The following FGD4 variants were observed in gnomAD, a reference collection of about 807,000 sequenced individuals.
The protein encoded by FGD4 is FYVE, RhoGEF and PH domain-containing protein 4.
In FGD4, 42 loss-of-function variants were observed where a neutral mutation model predicts 102.0. The ratio of observed to expected loss-of-function variants is 0.41; its 90% CI spans 0.32 to 0.53. The LOEUF is 0.53. Ranked by LOEUF, FGD4 falls within the 20% of genes least tolerant of loss-of-function variation. The pLI, the probability that FGD4 is intolerant of heterozygous loss-of-function variation, is 0.21. For synonymous variants in FGD4, 380 were observed against 375.7 expected, an observed-to-expected ratio of 1.01 and a Z score of -0.13; for missense variants, 902 against 1,078.2, an observed-to-expected ratio of 0.84 and a Z score of 2.29.
chr12:32,525,373 GT>G (rs752230456), intron 1 of FGD4, among the ~76,000 whole-genome samples: 3 of 152,216 alleles, frequency 2.0e-5, no homozygotes, highest in Non-Finnish European at 4.4e-5. Context: ...ATTTTGGAAT[GT>G]TTTAAAAGTA....
chr12:32,466,824 C>T (rs541533638), intron 1 of FGD4, among the ~76,000 whole-genome samples: 3 of 139,292 alleles, frequency 2.2e-5, no homozygotes, highest in African/African-American at 8.2e-5. Context: ...GCCAAGATGG[C>T]GTCACTGCAC....
Position 32,427,009 on chromosome 12 carries a change from C to A in FGD4, c.166+27050C>A, listed in dbSNP as rs140306520. Among the ~76,000 whole-genome samples, 691 of 151,830 alleles carry A rather than the reference C, an allele frequency of 4.6e-3. 11 individuals are homozygous for A. Among genetic ancestry groups the A allele is most frequent in the African/African-American group, 0.016 (646 of 41,414 alleles). Reference sequence around the variant, plus strand: ...TATTTTGTTAATCTTTTAAAAAAAACCAGCTCCTGGATTTATTGATTTTTT... The same window carrying A: ...TATTTTGTTAATCTTTTAAAAAAAAACAGCTCCTGGATTTATTGATTTTTT... On this transcript the variant is annotated intron_variant, in intron 1 of 16. Coordinates refer to ENST00000534526, the MANE Select transcript of FGD4 (RefSeq NM_001370298.3).
At chr12:32,524,535 A>AC (rs1940929399) in intron 1 of FGD4, among the ~76,000 whole-genome samples, 1 of 87,036 alleles carries the variant, frequency 1.1e-5, no homozygotes, top group Non-Finnish European at 3.3e-5. Context: ...AAAAAAAAAA[A>AC]ACAGAAAAAA....
chr12:32,643,805 T>C lies in FGD4; in HGVS notation c.*3272T>C, dbSNP rs1017553989. On this transcript the variant is annotated 3_prime_UTR_variant, in exon 17 of 17. Transcript: ENST00000534526. ...GTCAAAAATACTTTTGAGTTCACAA[T>C]TCTGTTTTACTTTTCCTTGTCCTTA... The C allele has an allele frequency of 1.3e-5, 2 of 152,090 alleles. No individual in the cohort carries two copies. Among genetic ancestry groups the C allele is most frequent in the African/African-American group, 4.8e-5 (2 of 41,452 alleles). The allele number at this position is 152,090 out of a possible 1,614,324, so 9.4% of individuals were successfully genotyped here. A position where few individuals can be genotyped will look rare whatever the true frequency, so the allele number is the denominator to read the frequency against.
rs548689416 is a variant in FGD4, at chr12:32,601,471, AT to A, written c.1247+53del. 2.0e-5 allele frequency: 31 copies of A among 1,564,806 alleles called. No homozygotes were observed. The African/African-American group carries it at 3.3e-4, about 17-fold the overall frequency. On this transcript the variant is annotated intron_variant, in intron 6 of 16. Coordinates refer to ENST00000534526, the MANE Select transcript of FGD4 (RefSeq NM_001370298.3). ...GATATGTTTAAGGCAGTCATGCTGT[AT>A]TTTTCAGCTTTTAAATTGAAATAGA...
rs78192196 is a variant in FGD4 at position 32,493,799 on chromosome 12, G to T, written c.167-70338G>T. Among the ~76,000 whole-genome samples the T allele has an allele frequency of 8.5e-3, 1,296 of 152,258 alleles. 16 individuals carry two copies. Among genetic ancestry groups the T allele is most frequent in the African/African-American group, 0.03 (1,233 of 41,536 alleles). ...AAAAGAAACGTTCAATATAATGTTG[G>T]GCAGTGATACCTTAAACAACAAACA... On this transcript the variant is annotated intron_variant, in intron 1 of 16. Transcript: ENST00000534526.
intron 1 of FGD4, among the ~76,000 whole-genome samples, chr12:32,561,831 A>T (rs1223194582): frequency 6.6e-6 from 1 of 152,134 alleles, no homozygotes; most frequent in African/African-American, 2.4e-5. Context: ...ATGTCTCATG[A>T]TGTATTTGTG....
intron 2 of FGD4, among the ~76,000 whole-genome samples, chr12:32,566,024 A>G (rs1213750418): frequency 1.3e-5 from 2 of 152,192 alleles, no homozygotes; most frequent in Non-Finnish European, 2.9e-5. Flanking sequence ...ACAAAATACC[A>G]TAAATTGGGT....
At chr12:32,403,162 GA>G (rs1940763206) in intron 1 of FGD4, among the ~76,000 whole-genome samples, 1 of 152,112 alleles carries the variant, frequency 6.6e-6, no homozygotes, top group South Asian at 2.1e-4. Context: ...GAACTTGGCA[GA>G]AAATTCCATT....
intron 1 of FGD4, among the ~76,000 whole-genome samples, chr12:32,492,568 T>C (rs1224286835): frequency 6.6e-6 from 1 of 152,208 alleles, no homozygotes; most frequent in Non-Finnish European, 1.5e-5. Context: ...TACAAATATG[T>C]TCAACAGTGT....
At chr12:32,405,295 T>A (rs1940886059) in intron 1 of FGD4, among the ~76,000 whole-genome samples, 1 of 132,008 alleles carries the variant, frequency 7.6e-6, no homozygotes, top group African/African-American at 3.0e-5. Context: ...GGAGTTTCAC[T>A]CTTGTCCAGG....
intron 7 of FGD4, among the ~76,000 whole-genome samples, chr12:32,604,890 TA>T (rs1948667925): frequency 6.7e-6 from 1 of 150,110 alleles, no homozygotes; most frequent in Non-Finnish European, 1.5e-5. Context: ...AATCAATTTC[TA>T]AAATGCAAAT....
Position 32,582,327 on chromosome 12 carries a change from A to G in FGD4, c.871A>G (p.Ser291Gly), listed in dbSNP as rs1242400732. The change falls in exon 4 of 17, where the codon AGT becomes GGT. Residue 291 changes from serine (S) to glycine (G), a missense_variant. Physicochemically the swap from Ser to Gly is moderately conservative, Grantham distance 56 (BLOSUM62 0). Transcript: ENST00000534526. ...CAGCTGTGATGGAAATGCTTCTGAC[A>G]GTAGCTACAGGACTCCAGGCATAGG... ...TDSCDGNASDSSYRTPGIGPV... is the reference protein window; with the variant it reads ...TDSCDGNASDGSYRTPGIGPV... 2.5e-6 allele frequency: 4 copies of G among 1,614,112 alleles called. No individual in the cohort carries two copies. Among genetic ancestry groups the G allele is most frequent in the Non-Finnish European group, 3.4e-6 (4 of 1,180,042 alleles).
intron 1 of FGD4, among the ~76,000 whole-genome samples, chr12:32,473,057 C>T (rs956325079): frequency 4.0e-5 from 6 of 151,704 alleles, no homozygotes; most frequent in African/African-American, 7.2e-5. Flanking sequence ...CTTGGAGAAC[C>T]TGTGTGTCCA....
chr12:32,448,239 T>G (rs1020081917), intron 1 of FGD4, among the ~76,000 whole-genome samples: 11 of 152,066 alleles, frequency 7.2e-5, no homozygotes, highest in Non-Finnish European at 1.3e-4. Context: ...CAGATCACAG[T>G]GCAATATGGT....
intron 1 of FGD4, among the ~76,000 whole-genome samples, chr12:32,421,215 C>G (rs956570776): frequency 6.6e-5 from 10 of 152,178 alleles, no homozygotes; most frequent in Admixed American, 5.2e-4. Context: ...CTCTTTCTGA[C>G]CTGTAATCCC....
At chr12:32,458,528 T>G (rs758990891) in intron 1 of FGD4, among the ~76,000 whole-genome samples, 3 of 152,210 alleles carry the variant, frequency 2.0e-5, no homozygotes, top group Non-Finnish European at 4.4e-5. Context: ...ATTCATAAGA[T>G]ATCCCCTGTG....
chr12:32,474,164 G>T (rs1162366429), intron 1 of FGD4, among the ~76,000 whole-genome samples: 1 of 151,972 alleles, frequency 6.6e-6, no homozygotes, highest in African/African-American at 2.4e-5. Context: ...AATGTAAAAT[G>T]GTACAGTTGC....
chr12:32,565,448 G>T (rs919974764), intron 2 of FGD4, among the ~76,000 whole-genome samples: 2 of 152,130 alleles, frequency 1.3e-5, no homozygotes, highest in Non-Finnish European at 2.9e-5. Flanking sequence ...TTTTGACCAT[G>T]ATTTAAGCCT....
Sources: allele counts gnomAD v4.1 joint callset (sites outside exome capture counted in the v4.1 genomes callset), GRCh38; gene constraint gnomAD v4.1.1; transcripts MANE v1.5; gene names NCBI Gene and HGNC (gene_info 2026-07-23, HGNC 2026-07-21).